The following DLG1 variants were observed in gnomAD, a reference collection of about 807,000 sequenced individuals.
DLG1 encodes the protein disks large homolog 1.
A neutral mutation model predicts 123.4 loss-of-function variants in DLG1; 42 were observed. That is an observed-to-expected ratio of 0.34 (90% CI 0.27 to 0.44). DLG1 has a LOEUF of 0.44. DLG1 is among the 20% of genes least tolerant of loss of function. The probability of loss-of-function intolerance (pLI) is 1.00; values close to 1 mark genes in which losing one functional copy is unlikely to be tolerated. For synonymous variants in DLG1, 317 were observed against 356.2 expected (o/e 0.89, Z 1.24); for missense variants, 942 against 1,082.6 (o/e 0.87, Z 1.82).
chr3:197,271,902 G>A (rs1480929126), intron 4 of DLG1, among the ~76,000 whole-genome samples: 1 of 152,158 alleles, frequency 6.6e-6, no homozygotes, highest in East Asian at 1.9e-4. Flanking sequence ...GAAAGACTAG[G>A]TGAAGGCAAA....
intron 4 of DLG1, among the ~76,000 whole-genome samples, chr3:197,267,049 G>C (rs1167268372): frequency 1.3e-5 from 2 of 152,158 alleles, no homozygotes; most frequent in East Asian, 3.8e-4. Context: ...TCAAGACAGA[G>C]GTTAATTCTG....
At chr3:197,198,223 C>T (rs1723604429) in intron 4 of DLG1, among the ~76,000 whole-genome samples, 1 of 152,176 alleles carries the variant, frequency 6.6e-6, no homozygotes, top group South Asian at 2.1e-4. Context: ...GGTGCGGTGG[C>T]TCACGCCTGT....
chr3:197,107,787 CT>C (rs1767441073), intron 13 of DLG1, among the ~76,000 whole-genome samples: 1 of 146,384 alleles, frequency 6.8e-6, no homozygotes, highest in African/African-American at 2.5e-5. Flanking sequence ...AGTTTTCTTG[CT>C]TTTTATTCTG....
intron 13 of DLG1, among the ~76,000 whole-genome samples, chr3:197,114,987 GAA>G (rs375841391): frequency 0.079 from 6,785 of 85,888 alleles, 201 homozygotes; most frequent in Middle Eastern, 0.11. Flanking sequence ...CCATCTCAAG[GAA>G]AAAAAAAAAA....
intron 3 of DLG1, among the ~76,000 whole-genome samples, chr3:197,293,341 A>C (rs1324754701): frequency 6.6e-6 from 1 of 152,236 alleles, no homozygotes; most frequent in Non-Finnish European, 1.5e-5. Flanking sequence ...ATAATTTTTA[A>C]ATCTTTAAGC....
At chr3:197,264,963 T>A (rs914131437) in intron 4 of DLG1, among the ~76,000 whole-genome samples, 4 of 152,184 alleles carry the variant, frequency 2.6e-5, no homozygotes, top group Non-Finnish European at 4.4e-5. Flanking sequence ...TTTTTTAATA[T>A]ACCTAATAAT....
chr3:197,225,051 G>C (rs953668455), intron 4 of DLG1, among the ~76,000 whole-genome samples: 4 of 152,154 alleles, frequency 2.6e-5, no homozygotes, highest in African/African-American at 7.2e-5. Flanking sequence ...CCGCCTCCTG[G>C]GTTCACGCCA....
chr3:197,141,108 A>G (rs1431771935), intron 7 of DLG1, among the ~76,000 whole-genome samples: 1 of 152,236 alleles, frequency 6.6e-6, no homozygotes, highest in Non-Finnish European at 1.5e-5. Flanking sequence ...AAGTAAGCAA[A>G]TATATGTGGA....
chr3:197,221,331 A>G (rs1736894168), intron 4 of DLG1, among the ~76,000 whole-genome samples: 1 of 152,102 alleles, frequency 6.6e-6, no homozygotes, highest in African/African-American at 2.4e-5. Flanking sequence ...CAGCCTGGCC[A>G]ACTTGATTGA....
intron 4 of DLG1, among the ~76,000 whole-genome samples, chr3:197,265,977 G>T (rs1761504409): frequency 6.6e-6 from 1 of 152,174 alleles, no homozygotes; most frequent in Non-Finnish European, 1.5e-5. Flanking sequence ...TTGAACCCAG[G>T]AAGCGGAGGT....
chr3:197,275,795 A>C (rs1401476439), intron 4 of DLG1, among the ~76,000 whole-genome samples: 3 of 152,250 alleles, frequency 2.0e-5, no homozygotes, highest in East Asian at 3.9e-4. Context: ...CAAAAATACA[A>C]TTAGAAGTGT....
chr3:197,277,553 C>CTGG (rs1243045708), intron 4 of DLG1, among the ~76,000 whole-genome samples: 1 of 152,090 alleles, frequency 6.6e-6, no homozygotes, highest in Non-Finnish European at 1.5e-5. Flanking sequence ...GTTGCTCAGG[C>CTGG]TGGTCTTGAA....
intron 5 of DLG1, among the ~76,000 whole-genome samples, chr3:197,152,834 T>C (rs894754557): frequency 6.6e-6 from 1 of 151,386 alleles, no homozygotes; most frequent in Admixed American, 6.6e-5. Flanking sequence ...TTTACCATTC[T>C]ATTTCATCAA....
At chr3:197,119,357 A>T (rs548658313) in intron 12 of DLG1, 53 bp downstream of exon 12, 74 of 1,468,540 alleles carry the variant, frequency 5.0e-5, no homozygotes, top group Middle Eastern at 3.8e-4. Context: ...GCTGATTAAA[A>T]TTCAATTTAA....
chr3:197,173,856 C>T (rs1379413803), intron 5 of DLG1, among the ~76,000 whole-genome samples: 1 of 152,184 alleles, frequency 6.6e-6, no homozygotes, highest in Non-Finnish European at 1.5e-5. Flanking sequence ...ATAATCCCAA[C>T]ACTTTGGGAG....
At chr3:197,070,420 G>GC (rs968841773) in intron 18 of DLG1, 10 of 132,358 alleles carry the variant, frequency 7.6e-5, no homozygotes, top group African/African-American at 2.8e-4. Context: ...CTAAAATTTT[G>GC]TTTTTTTTTT....
In DLG1 at chr3:197,119,423, C is replaced by T. The variant is rs911189133; in HGVS notation, c.1273G>A (p.Asp425Asn). The T allele has an allele frequency of 6.2e-7, 1 of 1,600,988 alleles. No individual in the cohort carries two copies. ...SPVSKAVLGDDEITREPRKVV... is the reference protein window; with the variant it reads ...SPVSKAVLGDNEITREPRKVV... ...TAACTTCCTTACCTTGTAATTTCAT[C>T]ATCTCCAAGTACTGCTTTAGAAACT... The change falls in exon 12 of 25, where the codon GAT becomes AAT. Residue 425 changes from aspartate to asparagine, a missense_variant. Asp to Asn is a conservative substitution (Grantham distance 23). Coordinates refer to ENST00000667157, the MANE Select transcript of DLG1 (RefSeq NM_001366207.1).
chr3:197,213,275 A>G (rs1350206464), intron 4 of DLG1, among the ~76,000 whole-genome samples: 2 of 151,806 alleles, frequency 1.3e-5, no homozygotes, highest in Non-Finnish European at 2.9e-5. Context: ...TGAATCTCAA[A>G]AGCATTATTA....
chr3:197,222,710 C>G (rs188674939), intron 4 of DLG1, among the ~76,000 whole-genome samples: 9 of 152,272 alleles, frequency 5.9e-5, no homozygotes, highest in African/African-American at 2.2e-4. Flanking sequence ...GCTTTAACAC[C>G]TTACACTATT....
Sources: gnomAD v4.1 joint callset for allele counts (sites outside exome capture counted in the v4.1 genomes callset) on GRCh38, gnomAD v4.1.1 for gene constraint, MANE v1.5 for transcripts, NCBI Gene and HGNC (gene_info 2026-07-23, HGNC 2026-07-21) for gene names.